FRMPD3: variants seen among roughly 807,000 people sequenced by gnomAD.
FRMPD3 encodes the protein FERM and PDZ domain containing 3.
In FRMPD3, 42 loss-of-function variants were observed where a neutral mutation model predicts 97.9. That is an observed-to-expected ratio of 0.43 (90% CI 0.34 to 0.55). FRMPD3 has a LOEUF of 0.55. Ranked by LOEUF, FRMPD3 falls within the 20% of genes least tolerant of loss-of-function variation. FRMPD3 has a pLI of 0.03. For synonymous variants in FRMPD3, 577 were observed against 581.1 expected, an observed-to-expected ratio of 0.99 and a Z score of 0.10; for missense variants, 1,303 against 1,457.7, an observed-to-expected ratio of 0.89 and a Z score of 1.73.
chrX:107,544,321 A>C (rs1921474857), intron 4 of FRMPD3, among the ~76,000 whole-genome samples: 1 of 111,718 alleles, frequency 9.0e-6, no homozygotes, highest in Non-Finnish European at 1.9e-5. Flanking sequence ...GATCTATTGC[A>C]CAGCATGATG....
chrX:107,534,562 G>A (rs748264260), intron 4 of FRMPD3, among the ~76,000 whole-genome samples: 2 of 110,980 alleles, frequency 1.8e-5, no homozygotes, highest in Non-Finnish European at 3.8e-5. Flanking sequence ...CACAGCATGG[G>A]CTCACCAGGC....
intron 5 of FRMPD3, among the ~76,000 whole-genome samples, chrX:107,548,005 G>GGC (rs58080565): frequency 0.14 from 15,403 of 110,407 alleles, 2,546 homozygotes; most frequent in African/African-American, 0.47. Flanking sequence ...TTCCCACCTT[G>GGC]TTTCCACAGC....
chrX:107,593,073 G>A (rs1923991127), intron 13 of FRMPD3, among the ~76,000 whole-genome samples: 1 of 111,756 alleles, frequency 8.9e-6, no homozygotes, highest in Non-Finnish European at 1.9e-5. Context: ...ATCGCGCCCA[G>A]CCATTATGGT....
chrX:107,570,002 C>G (rs752200149), intron 12 of FRMPD3, among the ~76,000 whole-genome samples: 1 of 85,794 alleles, frequency 1.2e-5, no homozygotes, highest in African/African-American at 4.7e-5. Context: ...GGTGACAGAG[C>G]AAGAGACAGT....
At position 107,600,810 on chromosome X, in the gene FRMPD3, A is replaced by G. The variant is rs746017698; in HGVS notation, c.2771A>G (p.Glu924Gly). The stretch of plus-strand genomic sequence containing the variant: ...GCAGCCACATCATCCCTCAGTGAAG[A>G]GCAGGTCTCTGAGCTGAGGGACAAC... ...LRAATSSLSE[E>G]QVSELRDNLP... The change falls in exon 15 of 15, where the codon GAG (glutamate) becomes GGG (glycine). Residue 924 changes from glutamate (E) to glycine (G), a missense_variant. Physicochemically the swap from Glu to Gly is moderately conservative, Grantham distance 98. Transcript: ENST00000683843. 5 of 1,209,178 alleles carry G rather than the reference A, an allele frequency of 4.1e-6. No individual in the cohort carries two copies. The South Asian group carries it at 5.3e-5, about 13-fold the overall frequency.
Position 107,603,514 on chromosome X carries a change from ACT to A in FRMPD3, c.*146_*147del, listed in dbSNP as rs1382272282. 8.5e-6 allele frequency: 9 copies of A among 1,060,303 alleles called. No individual in the cohort carries two copies. Among genetic ancestry groups the A allele is most frequent in the Admixed American group, 4.0e-5 (1 of 25,201 alleles). The allele number at this position is 1,060,303 out of a possible 1,213,427, so 87.4% of individuals were successfully genotyped here. A position where few individuals can be genotyped will look rare whatever the true frequency, so the allele number is the denominator to read the frequency against. On this transcript the variant is annotated 3_prime_UTR_variant, in exon 15 of 15. Transcript: ENST00000683843. ...GCCCATCAGTCTCCGGGGAGTGGAA[ACT>A]CTCTTGATTGAGGCTCTCTCTTAAG...
intron 1 of FRMPD3, among the ~76,000 whole-genome samples, chrX:107,495,286 G>A (rs149325101): frequency 4.5e-5 from 5 of 110,906 alleles, no homozygotes; most frequent in African/African-American, 1.3e-4. Flanking sequence ...GGCCTTTCCT[G>A]ACCACCTTTT....
intron 12 of FRMPD3, among the ~76,000 whole-genome samples, chrX:107,572,917 A>C (rs764598754): frequency 2.0e-3 from 190 of 96,954 alleles, no homozygotes; most frequent in African/African-American, 7.6e-3. Context: ...ACTAATAATA[A>C]TAATAATAAT....
intron 1 of FRMPD3, among the ~76,000 whole-genome samples, chrX:107,500,535 T>C (rs1196476552): frequency 8.9e-6 from 1 of 111,873 alleles, no homozygotes. Flanking sequence ...GGCTCATGCC[T>C]GTAATCCCAG....
rs775626423 is a variant in FRMPD3, at chrX:107,473,855, G to A, written c.-8+23850G>A. ...TCCCAGCACTTTGGGAGGCCGAGGCGGGTGGATCACCTGAGGTCAGGAGTT... is the reference window on the plus strand; with the variant it reads ...TCCCAGCACTTTGGGAGGCCGAGGCAGGTGGATCACCTGAGGTCAGGAGTT... On this transcript the variant is annotated intron_variant, in intron 1 of 14. Coordinates refer to ENST00000683843, the MANE Select transcript of FRMPD3 (RefSeq NM_001388459.1). 7.2e-4 allele frequency among the ~76,000 whole-genome samples: 81 copies of A among 112,195 alleles called. 1 individual carries two copies. Among genetic ancestry groups the A allele is most frequent in the African/African-American group, 2.4e-3 (74 of 30,894 alleles).
intron 13 of FRMPD3, among the ~76,000 whole-genome samples, chrX:107,589,883 G>A (rs1923823526): frequency 8.9e-6 from 1 of 112,669 alleles, no homozygotes; most frequent in African/African-American, 3.2e-5. Context: ...GGGCATGGTG[G>A]CTCACGCCTG....
intron 1 of FRMPD3, among the ~76,000 whole-genome samples, chrX:107,493,141 A>G (rs1465894386): frequency 4.5e-5 from 4 of 89,569 alleles, no homozygotes; most frequent in Non-Finnish European, 8.4e-5. Flanking sequence ...GATTGTATCA[A>G]TGCACTCCAA....
At chrX:107,531,006 T>G (rs1348056873) in intron 3 of FRMPD3, among the ~76,000 whole-genome samples, 4 of 110,453 alleles carry the variant, frequency 3.6e-5, no homozygotes, top group Non-Finnish European at 1.9e-5. Context: ...CTAAATGCCC[T>G]CCGCAGATGG....
At chrX:107,469,684 G>T (rs1199490094) in intron 1 of FRMPD3, among the ~76,000 whole-genome samples, 1 of 112,732 alleles carries the variant, frequency 8.9e-6, no homozygotes, top group Non-Finnish European at 1.9e-5. Flanking sequence ...ACTTGGACAA[G>T]TTGCTTAACT....
chrX:107,530,345 G>T (rs1922884309), intron 2 of FRMPD3, 64 bp from the exon 3 acceptor site: 1 of 927,504 alleles, frequency 1.1e-6, no homozygotes, highest in Non-Finnish European at 1.5e-6. Context: ...CAGGGGACTT[G>T]CCCAGACCTG....
chrX:107,494,162 G>A (rs1188452290), intron 1 of FRMPD3, among the ~76,000 whole-genome samples: 1 of 112,259 alleles, frequency 8.9e-6, no homozygotes, highest in African/African-American at 3.2e-5. Flanking sequence ...ATGCATTTAT[G>A]CATTTGGAAC....
chrX:107,570,193 G>A (rs1239235074), intron 12 of FRMPD3, among the ~76,000 whole-genome samples: 1 of 101,095 alleles, frequency 9.9e-6, no homozygotes, highest in East Asian at 3.1e-4. Flanking sequence ...GGGGGGAGCG[G>A]GGGAGGGAGG....
chrX:107,552,965 C>G (rs1319422603), intron 7 of FRMPD3, 39 bp downstream of exon 7: 2 of 1,175,038 alleles, frequency 1.7e-6, no homozygotes, highest in Non-Finnish European at 2.3e-6. Flanking sequence ...TGCATGTGGC[C>G]TCTAGTAGAG....
chrX:107,517,622 G>A (rs917406879), intron 1 of FRMPD3, among the ~76,000 whole-genome samples: 1 of 109,805 alleles, frequency 9.1e-6, no homozygotes, highest in African/African-American at 3.3e-5. Flanking sequence ...ATGGCCAGGT[G>A]TGGTGGCAGG....
Sources: gnomAD v4.1 joint callset for allele counts (sites outside exome capture counted in the v4.1 genomes callset) on GRCh38, gnomAD v4.1.1 for gene constraint, MANE v1.5 for transcripts, NCBI Gene and HGNC (gene_info 2026-07-23, HGNC 2026-07-21) for gene names.